The following NHSL1 variants were observed in gnomAD, a reference collection of about 807,000 sequenced individuals.
NHSL1 encodes NHS like 1.
A neutral mutation model predicts 95.0 loss-of-function variants in NHSL1; 48 were observed. That is an observed-to-expected ratio of 0.51 (90% CI 0.40 to 0.64). NHSL1 has a LOEUF of 0.64. Among genes scored for constraint, NHSL1 ranks in the 30% least tolerant of loss-of-function variants. NHSL1 has a pLI of 0.00. For synonymous variants in NHSL1, 783 were observed against 833.9 expected, an observed-to-expected ratio of 0.94 and a Z score of 1.05; for missense variants, 1,971 against 2,077.7, an observed-to-expected ratio of 0.95 and a Z score of 1.00.
Position 138,588,182 on chromosome 6 carries a change from G to C in NHSL1, c.97-91811C>G, listed in dbSNP as rs1171578058. ...TTTAAAATAATAACAATAATAACTG[G>C]CTGGGCCTGGTGGCTTGCGCCTGTA... On this transcript the variant is annotated intron_variant, in intron 1 of 3. Transcript: ENST00000491526. Among the ~76,000 whole-genome samples the C allele has an allele frequency of 4.6e-5, 7 of 152,248 alleles. 1 individual carries two copies. Among genetic ancestry groups the C allele is most frequent in the Admixed American group, 2.6e-4 (4 of 15,286 alleles).
At chr6:138,545,081 C>T (rs1490118475) in intron 1 of NHSL1, among the ~76,000 whole-genome samples, 2 of 146,368 alleles carry the variant, frequency 1.4e-5, no homozygotes, top group Non-Finnish European at 3.0e-5. Context: ...ACATCCAACT[C>T]CTGGGTTCAA....
chr6:138,607,423 C>T (rs1784449527), intron 1 of NHSL1, among the ~76,000 whole-genome samples: 1 of 152,228 alleles, frequency 6.6e-6, no homozygotes, highest in Non-Finnish European at 1.5e-5. Flanking sequence ...ACTACTTCAT[C>T]TGGTTCATAA....
rs188540483 is a variant in NHSL1 at position 138,428,004 on chromosome 6, C to T, written c.4085+1707G>A. ...ACTGACCGATTTCTACATCTGCAGT[C>T]GATGTAACGTCCTAGTAAGAGAAAC... On this transcript the variant is annotated intron_variant, in intron 7 of 7. Coordinates refer to ENST00000343505, the MANE Select transcript of NHSL1 (RefSeq NM_001144060.2). 2.7e-3 allele frequency among the ~76,000 whole-genome samples: 417 copies of T among 152,280 alleles called. 5 individuals are homozygous for T. Among genetic ancestry groups the T allele is most frequent in the Admixed American group, 0.019 (298 of 15,294 alleles).
At chr6:138,632,227 G>T (rs533080263) in intron 1 of NHSL1, among the ~76,000 whole-genome samples, 1 of 152,204 alleles carries the variant, frequency 6.6e-6, no homozygotes, top group Non-Finnish European at 1.5e-5. Flanking sequence ...AGGTAGACTT[G>T]TAAGGTTTTT....
At position 138,431,649 on chromosome 6, in the gene NHSL1, G is replaced by A. The variant is rs1409745611; in HGVS notation, c.2696C>T (p.Ser899Phe). ...AGAAGAAAGAGAAGTGGACGATGAGGAAATGGATACTGAAGATATCAGAGA... is the reference window on the plus strand; with the variant it reads ...AGAAGAAAGAGAAGTGGACGATGAGAAAATGGATACTGAAGATATCAGAGA... ...KSSLISSVSI[S>F]SSSTSLSSST... Residue 899 changes from serine (S) to phenylalanine (F), a missense_variant, in exon 6 of 8, where the codon TCC (serine) becomes TTC (phenylalanine). By Grantham distance (155) the Ser-to-Phe change is radical. Around this residue, in one of 3 missense-constraint regions of NHSL1, gnomAD observed 1,602 missense variants for 1,654.5 expected, o/e 0.97. Coordinates refer to ENST00000343505, the MANE Select transcript of NHSL1 (RefSeq NM_001144060.2). This position sits in a 1 kb window ranked among gnomAD's most constrained non-coding sequence, Gnocchi z 4.0. 6.4e-7 allele frequency: 1 copy of A among 1,551,674 alleles called. No homozygotes were observed. The highest frequency in any genetic ancestry group is 2.0e-5 in the Admixed American group (1 of 51,014).
At chr6:138,546,448 A>AAAAAAAAAAAAAAAAAAC (rs1562362745), upstream of NHSL1, among the ~76,000 whole-genome samples, 1 of 142,076 alleles carries the variant, frequency 7.0e-6, no homozygotes, top group African/African-American at 2.9e-5. Flanking sequence ...AAAAAAAAAA[A>AAAAAAAAAAAAAAAAAAC]AAAAAAAAAA....
At chr6:138,562,838 C>T (rs1783465032) in intron 1 of NHSL1, among the ~76,000 whole-genome samples, 1 of 152,086 alleles carries the variant, frequency 6.6e-6, no homozygotes, top group Non-Finnish European at 1.5e-5. Context: ...ATAACCAGAG[C>T]AGGTTCCTTC....
chr6:138,670,185 C>T (rs1785346124), intron 1 of NHSL1, among the ~76,000 whole-genome samples: 1 of 151,944 alleles, frequency 6.6e-6, no homozygotes, highest in Admixed American at 6.6e-5. Flanking sequence ...TCCTCTTCCC[C>T]ACAACGCTCC....
intron 1 of NHSL1, among the ~76,000 whole-genome samples, chr6:138,538,591 GA>G (rs2128321851): frequency 6.6e-6 from 1 of 152,232 alleles, no homozygotes; most frequent in South Asian, 2.1e-4. Flanking sequence ...GCGCCCTCGA[GA>G]GAGCAGAGGC....
chr6:138,649,603 G>A (rs965710423), intron 1 of NHSL1, among the ~76,000 whole-genome samples: 3 of 152,088 alleles, frequency 2.0e-5, no homozygotes, highest in East Asian at 1.9e-4. Context: ...GTGAGGCATC[G>A]CCATTAAACA....
At chr6:138,636,799 T>C (rs961399104) in intron 1 of NHSL1, among the ~76,000 whole-genome samples, 5 of 152,088 alleles carry the variant, frequency 3.3e-5, no homozygotes, top group Non-Finnish European at 7.4e-5. Context: ...CGTTCATGGA[T>C]TGGAAAAAAT....
intron 2 of NHSL1, among the ~76,000 whole-genome samples, chr6:138,489,462 C>T (rs1003206859): frequency 1.3e-5 from 2 of 152,072 alleles, no homozygotes; most frequent in Middle Eastern, 3.2e-3. Context: ...GACACCTGGA[C>T]TTCTGTTAGA....
At chr6:138,603,441 G>C (rs1029815548) in intron 1 of NHSL1, among the ~76,000 whole-genome samples, 1 of 152,038 alleles carries the variant, frequency 6.6e-6, no homozygotes, top group African/African-American at 2.4e-5. Context: ...TGCATTCCTG[G>C]GTGAGCACTA....
chr6:138,437,480 A>C (rs1776267211), intron 5 of NHSL1, among the ~76,000 whole-genome samples: 6 of 139,578 alleles, frequency 4.3e-5, no homozygotes, highest in Non-Finnish European at 7.6e-5. Context: ...GCACCTAGTC[A>C]CCCCAGAGCT....
upstream of NHSL1, among the ~76,000 whole-genome samples, chr6:138,501,678 G>A (rs1780689200): frequency 6.6e-6 from 1 of 152,196 alleles, no homozygotes; most frequent in Admixed American, 6.6e-5. Flanking sequence ...ATCTTGCATG[G>A]GGTAATTTCC....
chr6:138,430,205 A>T lies in NHSL1; in HGVS notation c.3952+188T>A, dbSNP rs1775541617. ...CATGCCTTTAGGTCTAGATTTTAAA[A>T]ATAATAACAAAATGCAAAGTTGGTA... is the stretch of plus-strand genomic sequence containing the variant. On this transcript the variant is annotated intron_variant, in intron 6 of 7. Coordinates refer to ENST00000343505, the MANE Select transcript of NHSL1 (RefSeq NM_001144060.2). The surrounding 1 kb of genome is among the most constrained non-coding windows in gnomAD (Gnocchi z 4.7). 6.6e-6 allele frequency among the ~76,000 whole-genome samples: 1 copy of T among 152,214 alleles called. No homozygotes were observed. Among genetic ancestry groups the T allele is most frequent in the Non-Finnish European group, 1.5e-5 (1 of 68,038 alleles).
chr6:138,460,306 G>A lies in NHSL1; in HGVS notation c.339+13000C>T, dbSNP rs548020793. On this transcript the variant is annotated intron_variant, in intron 3 of 7. Transcript: ENST00000343505. The stretch of plus-strand genomic sequence containing the variant: ...CAGTTTTGATACAATGTATAAACTG[G>A]AAAATCAGTTTCAAAATTACCTATG... Among the ~76,000 whole-genome samples, 3 of 151,960 alleles carry A rather than the reference G, an allele frequency of 2.0e-5. No individual in the cohort carries two copies. In the South Asian group the frequency reaches 6.3e-4, roughly 32 times the overall value.
In NHSL1 at chr6:138,433,108, T is replaced by C; in HGVS notation, c.1237A>G (p.Ile413Val). Residue 413 changes from isoleucine (I) to valine (V), a missense_variant, in exon 6 of 8, where the codon ATC (isoleucine) becomes GTC (valine). Around this residue, in one of 3 missense-constraint regions of NHSL1, gnomAD observed 1,602 missense variants for 1,654.5 expected, o/e 0.97. Transcript: ENST00000343505. ...GAGGAAGACAGTGTGGCATTTGGGA[T>C]GATGCTGGTGGAGTAGGTTGCATGA... Reference protein sequence around the residue: ...SPHATYSTSIIPNATLSSSSE... With the variant: ...SPHATYSTSIVPNATLSSSSE... 1.3e-6 allele frequency: 2 copies of C among 1,551,046 alleles called. No individual in the cohort carries two copies. The highest frequency in any genetic ancestry group is 1.7e-6 in the Non-Finnish European group (2 of 1,146,926).
intron 1 of NHSL1, chr6:138,651,060 T>C (rs758702483): frequency 3.0e-4 from 117 of 384,546 alleles, no homozygotes; most frequent in African/African-American, 1.8e-3. Context: ...CGTATTTTGA[T>C]AACATGCCAT....
Sources: gnomAD v4.1 joint callset for allele counts (sites outside exome capture counted in the v4.1 genomes callset) on GRCh38, gnomAD v4.1.1 for gene constraint, gnomAD v4.1.1 regional missense constraint, Gnocchi (gnomAD v3.1) non-coding constraint, MANE v1.5 for transcripts, NCBI Gene and HGNC (gene_info 2026-07-23, HGNC 2026-07-21) for gene names.